HDAC8: variants seen among roughly 807,000 people sequenced by gnomAD.
The protein encoded by HDAC8 is histone deacetylase-like 1.
In HDAC8, 1 loss-of-function variant was observed where a neutral mutation model predicts 32.2. That is an observed-to-expected ratio of 0.03 (90% confidence interval 0.01 to 0.15). The LOEUF is 0.15. Among genes scored for constraint, HDAC8 ranks in the 10% least tolerant of loss-of-function variants. HDAC8 has a pLI of 1.00. For synonymous variants in HDAC8, 108 were observed against 113.9 expected (o/e 0.95, Z 0.33); for missense variants, 117 against 300.0 (o/e 0.39, Z 4.51).
chrX:72,353,020 T>C (rs975142554), intron 9 of HDAC8, among the ~76,000 whole-genome samples: 7 of 112,275 alleles, frequency 6.2e-5, no homozygotes, highest in Non-Finnish European at 1.1e-4. Flanking sequence ...ACCAGGGAAA[T>C]TCAAATTCCA....
intron 9 of HDAC8, among the ~76,000 whole-genome samples, chrX:72,448,282 A>G (rs782111556): frequency 4.5e-5 from 5 of 111,703 alleles, no homozygotes; most frequent in South Asian, 7.6e-4. Context: ...ATAATGCTGC[A>G]TATCTACAAC....
At chrX:72,533,475 T>G (rs1428298575) in intron 4 of HDAC8, among the ~76,000 whole-genome samples, 2 of 111,525 alleles carry the variant, frequency 1.8e-5, no homozygotes, top group African/African-American at 6.5e-5. Context: ...CATTGTCTCC[T>G]AGAACTAGAA....
At chrX:72,542,558 A>C (rs1260081457) in intron 4 of HDAC8, among the ~76,000 whole-genome samples, 1 of 111,979 alleles carries the variant, frequency 8.9e-6, no homozygotes, top group Non-Finnish European at 1.9e-5. Context: ...GCTGCTGGAA[A>C]TCTGGCACCT....
chrX:72,352,819 A>G (rs1023696409), intron 9 of HDAC8, among the ~76,000 whole-genome samples: 1 of 111,691 alleles, frequency 9.0e-6, no homozygotes, highest in Admixed American at 9.5e-5. Context: ...GGTAGGGCTG[A>G]CTTGGGGAAA....
At chrX:72,441,293 G>A (rs1377960097) in intron 9 of HDAC8, among the ~76,000 whole-genome samples, 2 of 112,122 alleles carry the variant, frequency 1.8e-5, no homozygotes. Context: ...CTCCAAGTAG[G>A]GGCAGACTGA....
intron 4 of HDAC8, among the ~76,000 whole-genome samples, chrX:72,556,797 A>G (rs1291424942): frequency 6.2e-5 from 7 of 112,099 alleles, no homozygotes; most frequent in African/African-American, 9.7e-5. Flanking sequence ...CAGCAACACA[A>G]TTATAGTGAG....
chrX:72,389,384 C>T lies in HDAC8; in HGVS notation c.1006-37546G>A, dbSNP rs1283110727. 4.5e-5 allele frequency among the ~76,000 whole-genome samples: 5 copies of T among 111,776 alleles called. No individual in the cohort carries two copies. In the Admixed American group the frequency reaches 4.8e-4, roughly 11 times the overall value. On this transcript the variant is annotated intron_variant, in intron 9 of 10. Transcript: ENST00000373573. ...AGTTTTGTGAGGCTTAAATATGATCCGGTATTTTCAAAGGCTTTGTGAGGA... is the reference window on the plus strand; with the variant it reads ...AGTTTTGTGAGGCTTAAATATGATCTGGTATTTTCAAAGGCTTTGTGAGGA...
intron 2 of HDAC8, among the ~76,000 whole-genome samples, chrX:72,570,437 A>G (rs2051976667): frequency 9.0e-6 from 1 of 110,793 alleles, no homozygotes; most frequent in Admixed American, 9.6e-5. Flanking sequence ...TGTTAACCAA[A>G]CCATATGGGT....
chrX:72,361,688 T>A (rs1555952662), intron 9 of HDAC8, among the ~76,000 whole-genome samples: 1 of 105,063 alleles, frequency 9.5e-6, no homozygotes, highest in Non-Finnish European at 1.9e-5. Context: ...GTGCTAAGCA[T>A]CATTCTAGGC....
chrX:72,494,029 C>T (rs2048949279), intron 5 of HDAC8, among the ~76,000 whole-genome samples: 1 of 111,644 alleles, frequency 9.0e-6, no homozygotes, highest in Admixed American at 9.5e-5. Flanking sequence ...ACTGGCCATA[C>T]AAAAACAAGC....
chrX:72,378,787 C>T (rs1454897813), intron 9 of HDAC8, among the ~76,000 whole-genome samples: 1 of 111,216 alleles, frequency 9.0e-6, no homozygotes, highest in African/African-American at 3.3e-5. Context: ...GTGACCCTTA[C>T]TGGTGGTCTT....
intron 9 of HDAC8, among the ~76,000 whole-genome samples, chrX:72,406,370 A>G (rs2015838889): frequency 9.0e-6 from 1 of 111,708 alleles, no homozygotes; most frequent in Non-Finnish European, 1.9e-5. Context: ...CTAGGACAAT[A>G]GGCATGTGTC....
At chrX:72,544,103 G>A (rs371311995) in intron 4 of HDAC8, among the ~76,000 whole-genome samples, 1 of 112,306 alleles carries the variant, frequency 8.9e-6, no homozygotes, top group East Asian at 2.8e-4. Flanking sequence ...TGCCCTGGCT[G>A]GTCCAGGCTG....
chrX:72,368,675 C>A (rs2044776596), intron 9 of HDAC8, among the ~76,000 whole-genome samples: 1 of 112,460 alleles, frequency 8.9e-6, no homozygotes, highest in South Asian at 3.7e-4. Flanking sequence ...CCTTTTACAG[C>A]CCTCTGGCCT....
intron 7 of HDAC8, among the ~76,000 whole-genome samples, chrX:72,465,726 C>T (rs1029399585): frequency 1.6e-4 from 18 of 111,434 alleles, no homozygotes; most frequent in African/African-American, 5.5e-4. Context: ...GGTTAATGAC[C>T]TCTTCATAAT....
intron 4 of HDAC8, among the ~76,000 whole-genome samples, chrX:72,538,678 A>C (rs2050609249): frequency 9.0e-6 from 1 of 111,722 alleles, no homozygotes. Flanking sequence ...AACAAATAGA[A>C]AGGCTTACTC....
chrX:72,412,117 A>C (rs2046212905), intron 9 of HDAC8, among the ~76,000 whole-genome samples: 1 of 111,978 alleles, frequency 8.9e-6, no homozygotes, highest in Non-Finnish European at 1.9e-5. Flanking sequence ...GAAGTCAACA[A>C]ATTTCAGTCC....
intron 9 of HDAC8, 61 bp from the exon 10 acceptor site, chrX:72,351,899 CA>C: frequency 1.2e-6 from 1 of 806,295 alleles, no homozygotes; most frequent in Non-Finnish European, 1.8e-6. Flanking sequence ...CCAAACCAAC[CA>C]CATACAAACA....
At chrX:72,364,254 C>T (rs1358786836) in intron 9 of HDAC8, among the ~76,000 whole-genome samples, 1 of 111,420 alleles carries the variant, frequency 9.0e-6, no homozygotes, top group South Asian at 3.8e-4. Flanking sequence ...TTCTCAGTCT[C>T]CTTCCCTGGA....
Sources: allele counts gnomAD v4.1 joint callset (sites outside exome capture counted in the v4.1 genomes callset), GRCh38; gene constraint gnomAD v4.1.1; transcripts MANE v1.5; gene names NCBI Gene and HGNC (gene_info 2026-07-23, HGNC 2026-07-21).